Variants in TAS2R1 observed in about 807,000 individuals in gnomAD.
TAS2R1 encodes taste receptor type 2 member 1.
For synonymous variants in TAS2R1, 141 were observed against 134.2 expected (o/e 1.05, Z -0.35); for missense variants, 370 against 353.4 (o/e 1.05, Z -0.38).
At chr5:9,830,607 A>G in the TAS2R1 span, among the ~76,000 whole-genome samples, 6,088 of 30,886 alleles carry the variant, frequency 0.2, 349 homozygotes, top group African/African-American at 0.35. Flanking sequence ...GTGCGCGCGC[A>G]CACACACACA....
chr5:9,710,840 A>G (rs1579795558), intron 1 of TAS2R1, among the ~76,000 whole-genome samples: 2 of 149,782 alleles, frequency 1.3e-5, no homozygotes, highest in African/African-American at 4.9e-5. Context: ...ACAATGAGAT[A>G]GCACCCCACA....
chr5:9,708,439 G>A (rs149828467), intron 1 of TAS2R1, among the ~76,000 whole-genome samples: 1 of 152,048 alleles, frequency 6.6e-6, no homozygotes. Context: ...CATATAAAGG[G>A]AGTAAAAGAA....
chr5:9,822,373 G>A, the TAS2R1 span, among the ~76,000 whole-genome samples: 1,603 of 136,674 alleles, frequency 0.012, 15 homozygotes, highest in Non-Finnish European at 0.016. Context: ...TTTTTGAGAC[G>A]GAGGCTCACT....
the TAS2R1 span, among the ~76,000 whole-genome samples, chr5:9,822,777 T>A: frequency 6.6e-6 from 1 of 152,180 alleles, no homozygotes; most frequent in South Asian, 2.1e-4. Context: ...TAGACAGTAT[T>A]CTAATGGATA....
the TAS2R1 span, among the ~76,000 whole-genome samples, chr5:9,832,199 A>G: frequency 6.6e-6 from 1 of 152,200 alleles, no homozygotes. Flanking sequence ...ACATCTTGGC[A>G]TTTCACCAGT....
At chr5:9,725,534 C>T in the TAS2R1 span, among the ~76,000 whole-genome samples, 1 of 152,228 alleles carries the variant, frequency 6.6e-6, no homozygotes, top group Non-Finnish European at 1.5e-5. Flanking sequence ...GATTTCTCGC[C>T]AGGCCTTAGC....
At chr5:9,853,930 G>A in the TAS2R1 span, among the ~76,000 whole-genome samples, 1 of 152,170 alleles carries the variant, frequency 6.6e-6, no homozygotes, top group South Asian at 2.1e-4. Flanking sequence ...GGTTCTTCCT[G>A]TTTTTAATCA....
the TAS2R1 span, among the ~76,000 whole-genome samples, chr5:9,795,165 C>T: frequency 6.6e-6 from 1 of 152,126 alleles, no homozygotes; most frequent in African/African-American, 2.4e-5. Flanking sequence ...CTGGAACTTA[C>T]TCTGGCCATC....
At chr5:9,791,529 T>C in the TAS2R1 span, among the ~76,000 whole-genome samples, 1 of 151,944 alleles carries the variant, frequency 6.6e-6, no homozygotes, top group South Asian at 2.1e-4. Context: ...TGAAACCCCA[T>C]CTCTACTAAA....
chr5:9,859,474 T>G, the TAS2R1 span, among the ~76,000 whole-genome samples: 10 of 152,166 alleles, frequency 6.6e-5, no homozygotes, highest in Admixed American at 6.5e-4. Context: ...CCTTCTAAGG[T>G]GCATTTTGTT....
At chr5:9,831,616 T>C in the TAS2R1 span, among the ~76,000 whole-genome samples, 2 of 137,328 alleles carry the variant, frequency 1.5e-5, no homozygotes, top group Non-Finnish European at 3.4e-5. Flanking sequence ...AACGAGCATG[T>C]TTCTGTTTTT....
chr5:9,678,257 T>C (rs1034219320), intron 1 of TAS2R1, among the ~76,000 whole-genome samples: 2 of 151,904 alleles, frequency 1.3e-5, no homozygotes, highest in African/African-American at 4.8e-5. Flanking sequence ...ATCAGAATGG[T>C]GGTGATTAAA....
At chr5:9,754,654 G>C in the TAS2R1 span, among the ~76,000 whole-genome samples, 1 of 152,192 alleles carries the variant, frequency 6.6e-6, no homozygotes, top group Non-Finnish European at 1.5e-5. Flanking sequence ...TTGCTTCAAA[G>C]AGAATAAAAT....
At chr5:9,633,294 T>TATATATATATATATTTA (rs1476544403), upstream of TAS2R1, among the ~76,000 whole-genome samples, 1 of 67,818 alleles carries the variant, frequency 1.5e-5, no homozygotes, top group African/African-American at 7.1e-5. Flanking sequence ...TGTGTGTATA[T>TATATATATATATATTTA]TATATATATA....
chr5:9,882,483 G>A, the TAS2R1 span, among the ~76,000 whole-genome samples: 6 of 152,200 alleles, frequency 3.9e-5, no homozygotes, highest in South Asian at 1.0e-3. Context: ...AAAATTAGCT[G>A]GACATGGTGG....
the TAS2R1 span, among the ~76,000 whole-genome samples, chr5:9,859,875 C>T: frequency 6.6e-6 from 1 of 152,138 alleles, no homozygotes; most frequent in Non-Finnish European, 1.5e-5. Context: ...TCACAGGATC[C>T]AGTGAAAAAG....
chr5:9,742,617 G>A, the TAS2R1 span, among the ~76,000 whole-genome samples: 18 of 152,216 alleles, frequency 1.2e-4, no homozygotes, highest in South Asian at 6.2e-4. Flanking sequence ...CCAAGGTTTA[G>A]TGCTGATTTT....
the TAS2R1 span, among the ~76,000 whole-genome samples, chr5:9,834,357 T>C: frequency 6.6e-6 from 1 of 152,214 alleles, no homozygotes; most frequent in Non-Finnish European, 1.5e-5. Flanking sequence ...ACATGCAAGG[T>C]GCTTAAAATA....
the TAS2R1 span, among the ~76,000 whole-genome samples, chr5:9,857,164 T>C: frequency 1.3e-5 from 2 of 152,086 alleles, no homozygotes; most frequent in South Asian, 4.1e-4. Flanking sequence ...AAGGAGGAGA[T>C]GAAGAGAAGT....
Sources: allele counts gnomAD v4.1 joint callset (sites outside exome capture counted in the v4.1 genomes callset), GRCh38; gene constraint gnomAD v4.1.1; transcripts MANE v1.5; gene names NCBI Gene and HGNC (gene_info 2026-07-23, HGNC 2026-07-21).